PRKD3: variants seen among roughly 807,000 people sequenced by gnomAD.
The protein encoded by PRKD3 is serine/threonine-protein kinase D3.
Under a neutral mutation model 99.2 loss-of-function variants are expected in PRKD3, and 47 were observed. The ratio of observed to expected loss-of-function variants is 0.47; its 90% CI spans 0.38 to 0.60. The LOEUF (loss-of-function observed/expected upper bound fraction) is 0.60, where lower values mean the gene tolerates loss of function less well. Among genes scored for constraint, PRKD3 ranks in the 20% least tolerant of loss-of-function variants. The probability of loss-of-function intolerance (pLI) is 0.00; values close to 1 mark genes in which losing one functional copy is unlikely to be tolerated. For synonymous variants in PRKD3, 392 were observed against 355.4 expected, an observed-to-expected ratio of 1.10 and a Z score of -1.16; for missense variants, 1,019 against 1,088.4, an observed-to-expected ratio of 0.94 and a Z score of 0.90.
At chr2:37,269,389 C>G (rs769452781) in intron 13 of PRKD3, 6 of 533,906 alleles carry the variant, frequency 1.1e-5, no homozygotes, top group Non-Finnish European at 2.0e-5. Context: ...AGAGATAAAA[C>G]ACACTGTAAA....
In PRKD3 at chr2:37,286,311, C is replaced by G; in HGVS notation, c.776G>C (p.Trp259Ser). The change falls in exon 6 of 19, where the codon TGG (tryptophan) becomes TCG (serine). Residue 259 changes from tryptophan (W) to serine (S), a missense_variant. This residue lies in a region of PRKD3 where 710 missense variants were observed against 692.7 expected (regional missense o/e 1.02). Transcript: ENST00000234179. Reference sequence around the variant, plus strand: ...TCTGCACATTACCATCTTTTCCATCCAGATTGGGCGACCACTCCAAGAAGG... The same window carrying G: ...TCTGCACATTACCATCTTTTCCATCGAGATTGGGCGACCACTCCAAGAAGG... Reference protein sequence around the residue: ...RIPSWSGRPIWMEKMVMCRVK... With the variant: ...RIPSWSGRPISMEKMVMCRVK... 6.2e-7 allele frequency: 1 copy of G among 1,614,052 alleles called. No individual in the cohort carries two copies.
intron 9 of PRKD3, among the ~76,000 whole-genome samples, chr2:37,276,960 G>A (rs1285664724): frequency 6.6e-6 from 1 of 151,670 alleles, no homozygotes; most frequent in Non-Finnish European, 1.5e-5. Context: ...CATTAAATTC[G>A]CAAAGGTAGG....
intron 11 of PRKD3, among the ~76,000 whole-genome samples, chr2:37,273,156 G>T (rs951933551): frequency 2.0e-5 from 3 of 151,790 alleles, no homozygotes; most frequent in Admixed American, 6.6e-5. Context: ...GTTGTTTTTT[G>T]GTACTTTAAT....
chr2:37,257,595 G>A (rs377335094), intron 16 of PRKD3, among the ~76,000 whole-genome samples: 19 of 145,494 alleles, frequency 1.3e-4, no homozygotes, highest in African/African-American at 4.8e-4. Flanking sequence ...GAACCCAGGA[G>A]GCAGAGCTTG....
intron 4 of PRKD3, among the ~76,000 whole-genome samples, 183 bp from the exon 5 acceptor site, chr2:37,289,696 T>C (rs1558559323): frequency 2.0e-5 from 3 of 152,076 alleles, no homozygotes; most frequent in African/African-American, 7.2e-5. Context: ...AGGAAATGTG[T>C]AAAAAGGATA....
In PRKD3 at chr2:37,274,637, G is replaced by C; in HGVS notation, c.1435C>G (p.Gln479Glu). 6.2e-7 allele frequency: 1 copy of C among 1,614,058 alleles called. No homozygotes were observed. Among genetic ancestry groups the C allele is most frequent in the Non-Finnish European group, 8.5e-7 (1 of 1,179,890 alleles). ...SSPRDFTNISQGSNPHCFEII... is the reference protein window; with the variant it reads ...SSPRDFTNISEGSNPHCFEII... ...TCAAAACAGTGTGGATTGCTGCCTT[G>C]TGAAATGTTTGTGAAATCTCGTGGT... The change falls in exon 11 of 19, where the codon CAA becomes GAA. Residue 479 changes from glutamine to glutamate, a missense_variant. Coordinates refer to ENST00000234179, the MANE Select transcript of PRKD3 (RefSeq NM_005813.6).
chr2:37,268,153 G>C (rs1668970248), intron 13 of PRKD3: 1 of 355,768 alleles, frequency 2.8e-6, no homozygotes, highest in Non-Finnish European at 5.6e-6. Context: ...TATATTTTTG[G>C]TATTTGTTCT....
Position 37,279,875 on chromosome 2 carries a change from T to A in PRKD3, c.1043A>T (p.Asp348Val). ...ACCCCGACTACTATCACTATTTATG[T>A]CATTATTGTCAATATCCATTGGTAT... ...TDIPMDIDNNDINSDSSRGLD... is the reference protein window; with the variant it reads ...TDIPMDIDNNVINSDSSRGLD... Residue 348 changes from aspartate (D) to valine (V), a missense_variant, in exon 8 of 19, where the codon GAC becomes GTC. Physicochemically the swap from Asp to Val is radical, Grantham distance 152. This residue lies in a region of PRKD3 where 710 missense variants were observed against 692.7 expected (regional missense o/e 1.02). Transcript: ENST00000234179. 6.2e-7 allele frequency: 1 copy of A among 1,613,160 alleles called. No homozygotes were observed. The highest frequency in any genetic ancestry group is 2.2e-5 in the East Asian group (1 of 44,824).
intron 16 of PRKD3, among the ~76,000 whole-genome samples, chr2:37,258,997 T>C (rs1056566706): frequency 6.6e-6 from 1 of 152,028 alleles, no homozygotes; most frequent in African/African-American, 2.4e-5. Flanking sequence ...GAATTTGGGT[T>C]ATGATCCATT....
rs535803306 is a variant in PRKD3, at chr2:37,273,641, T to G, written c.1651+780A>C. Among the ~76,000 whole-genome samples the G allele has an allele frequency of 4.7e-4, 72 of 152,350 alleles. No individual in the cohort carries two copies. In the South Asian group the frequency reaches 0.014, roughly 31 times the overall value. On this transcript the variant is annotated intron_variant, in intron 11 of 18. Coordinates refer to ENST00000234179, the MANE Select transcript of PRKD3 (RefSeq NM_005813.6). ...TATGATTTCTGTATTTATTTTGTATTTTAGCTCAGGGCCTAGCATAATAGT... is the reference window on the plus strand; with the variant it reads ...TATGATTTCTGTATTTATTTTGTATGTTAGCTCAGGGCCTAGCATAATAGT...
In PRKD3 at chr2:37,262,649, G is replaced by A. The variant is rs185834784; in HGVS notation, c.1885-2265C>T. On this transcript the variant is annotated intron_variant, in intron 14 of 18. Coordinates refer to ENST00000234179, the MANE Select transcript of PRKD3 (RefSeq NM_005813.6). ...ACAGAGGTTGAAATGTGACTGTTTTGCTAGGCCATAGTTGGCTGGCTCTAT... is the reference window on the plus strand; with the variant it reads ...ACAGAGGTTGAAATGTGACTGTTTTACTAGGCCATAGTTGGCTGGCTCTAT... Among the ~76,000 whole-genome samples, 433 of 151,564 alleles carry A rather than the reference G, an allele frequency of 2.9e-3. 1 individual carries two copies. Among genetic ancestry groups the A allele is most frequent in the African/African-American group, 9.9e-3 (406 of 41,160 alleles).
chr2:37,282,771 T>C (rs1338386420), intron 6 of PRKD3, 152 bp from the exon 7 acceptor site: 1 of 623,172 alleles, frequency 1.6e-6, no homozygotes, highest in Non-Finnish European at 2.9e-6. Flanking sequence ...AGCACCCCTC[T>C]GCACCCCCCC....
At chr2:37,293,324 G>A (rs1051571450) in intron 2 of PRKD3, 53 bp from the exon 3 acceptor site, 65 of 1,433,050 alleles carry the variant, frequency 4.5e-5, no homozygotes, top group Non-Finnish European at 9.3e-6. Flanking sequence ...ATTTTTATAA[G>A]TAAACGTTTC....
chr2:37,302,458 G>T (rs963658031), intron 2 of PRKD3, among the ~76,000 whole-genome samples: 1 of 152,138 alleles, frequency 6.6e-6, no homozygotes, highest in Non-Finnish European at 1.5e-5. Flanking sequence ...AACCATTTTA[G>T]ACGTTATTTT....
chr2:37,310,966 G>T (rs75414752), intron 2 of PRKD3, among the ~76,000 whole-genome samples: 1 of 152,096 alleles, frequency 6.6e-6, no homozygotes, highest in Non-Finnish European at 1.5e-5. Context: ...AGATTATCAC[G>T]AATTTCTTGA....
chr2:37,323,521 C>T (rs1034432148), intron 1 of PRKD3, among the ~76,000 whole-genome samples: 1 of 151,962 alleles, frequency 6.6e-6, no homozygotes, highest in Admixed American at 6.6e-5. Context: ...TTGATCTTAA[C>T]TCGGAATCTA....
chr2:37,272,300 T>C, intron 12 of PRKD3, 80 bp downstream of exon 12: 1 of 1,555,752 alleles, frequency 6.4e-7, no homozygotes, highest in Non-Finnish European at 8.7e-7. Flanking sequence ...GATGAACCAA[T>C]TTCTCTAATA....
At position 37,308,896 on chromosome 2, in the gene PRKD3, T is replaced by A. The variant is rs923993181; in HGVS notation, c.288+7341A>T. Among the ~76,000 whole-genome samples, 7 of 152,168 alleles carry A rather than the reference T, an allele frequency of 4.6e-5. No homozygotes were observed. In the East Asian group the frequency reaches 7.7e-4, roughly 17 times the overall value. On this transcript the variant is annotated intron_variant, in intron 2 of 18. Transcript: ENST00000234179. ...TGGCATACCTAAAAGTACCTTGTGC[T>A]TATCTATTTATGTTCAGATAGTATA... is the stretch of plus-strand genomic sequence containing the variant.
At chr2:37,299,026 GT>G (rs1670795961) in intron 2 of PRKD3, among the ~76,000 whole-genome samples, 1 of 70,802 alleles carries the variant, frequency 1.4e-5, no homozygotes, top group Admixed American at 1.4e-4. Flanking sequence ...AAGGCTTTCA[GT>G]TTTTTCCCAT....
Sources: gnomAD v4.1 joint callset for allele counts (sites outside exome capture counted in the v4.1 genomes callset) on GRCh38, gnomAD v4.1.1 for gene constraint, gnomAD v4.1.1 regional missense constraint, MANE v1.5 for transcripts, NCBI Gene and HGNC (gene_info 2026-07-23, HGNC 2026-07-21) for gene names.